Variants in LRBA observed in about 807,000 individuals in gnomAD.
LRBA encodes the protein lipopolysaccharide-responsive and beige-like anchor protein.
Under a neutral mutation model 330.0 loss-of-function variants are expected in LRBA, and 176 were observed. The observed-to-expected ratio is 0.53, with a 90% confidence interval of 0.47 to 0.60. The LOEUF (loss-of-function observed/expected upper bound fraction) is 0.60. LRBA is among the 20% of genes least tolerant of loss of function. The probability of loss-of-function intolerance (pLI) is 0.00; values close to 1 mark genes in which losing one functional copy is unlikely to be tolerated. For missense variants in LRBA, 3,259 were observed against 3,444.8 expected (o/e 0.95, Z 1.35); for synonymous variants, 1,230 against 1,193.0 (o/e 1.03, Z -0.64).
intron 48 of LRBA, among the ~76,000 whole-genome samples, chr4:150,347,645 CAA>C (rs57952007): frequency 0.4 from 54,046 of 133,526 alleles, 9,325 homozygotes; most frequent in African/African-American, 0.42. Context: ...GACTCTGTCT[CAA>C]AAAAAAAAAA....
At chr4:150,745,937 T>C (rs901883863) in intron 35 of LRBA, among the ~76,000 whole-genome samples, 3 of 152,168 alleles carry the variant, frequency 2.0e-5, no homozygotes, top group Non-Finnish European at 4.4e-5. Flanking sequence ...TGTCTTGATG[T>C]TTCACTCATT....
intron 2 of LRBA, among the ~76,000 whole-genome samples, chr4:151,011,161 T>C (rs1744797005): frequency 1.3e-5 from 2 of 150,360 alleles, no homozygotes; most frequent in South Asian, 4.2e-4. Context: ...CACTCCAGCC[T>C]AGGCAACAGA....
intron 36 of LRBA, among the ~76,000 whole-genome samples, chr4:150,734,732 T>C (rs1320984018): frequency 6.6e-6 from 1 of 152,136 alleles, no homozygotes; most frequent in East Asian, 1.9e-4. Flanking sequence ...CAGGATGAGT[T>C]TATCACTTAG....
chr4:150,866,436 T>C (rs572595250), intron 22 of LRBA, among the ~76,000 whole-genome samples: 1 of 152,320 alleles, frequency 6.6e-6, no homozygotes, highest in African/African-American at 2.4e-5. Flanking sequence ...ATTATGGTGA[T>C]GTAGCATTTT....
chr4:150,553,130 T>C (rs1766838551), intron 40 of LRBA, among the ~76,000 whole-genome samples: 1 of 151,768 alleles, frequency 6.6e-6, no homozygotes, highest in Non-Finnish European at 1.5e-5. Context: ...TGGAATATTA[T>C]GCAGTCATAA....
chr4:150,599,165 A>G, intron 37 of LRBA, 34 bp from the exon 38 acceptor site: 1 of 1,611,584 alleles, frequency 6.2e-7, no homozygotes, highest in Non-Finnish European at 8.5e-7. Context: ...ATATGTTAGC[A>G]ATTATCAAAC....
rs569244581 is a variant in LRBA, at chr4:150,688,678, C to T, written c.5755-4961G>A. Among the ~76,000 whole-genome samples the T allele has an allele frequency of 3.3e-5, 5 of 152,182 alleles. No individual in the cohort carries two copies. The East Asian group carries it at 5.8e-4, about 18-fold the overall frequency. On this transcript the variant is annotated intron_variant, in intron 36 of 56. Coordinates refer to ENST00000651943, the MANE Select transcript of LRBA (RefSeq NM_001364905.1). ...CACTTTTCAAAAGAAGACATTTATG[C>T]GGCCAACAAACATATGAAAAAAAGC...
chr4:150,911,377 G>A (rs1175850365), intron 9 of LRBA, among the ~76,000 whole-genome samples: 1 of 151,908 alleles, frequency 6.6e-6, no homozygotes, highest in Non-Finnish European at 1.5e-5. Flanking sequence ...ATAGATTGTT[G>A]AGTGTTTTAG....
intron 34 of LRBA, among the ~76,000 whole-genome samples, chr4:150,788,933 A>G (rs1739490002): frequency 6.6e-6 from 1 of 150,938 alleles, no homozygotes; most frequent in South Asian, 2.1e-4. Context: ...AATGTGCCAG[A>G]CATGGTGGCG....
At chr4:150,858,342 A>G (rs896170094) in intron 22 of LRBA, among the ~76,000 whole-genome samples, 21 of 151,564 alleles carry the variant, frequency 1.4e-4, no homozygotes, top group African/African-American at 4.8e-4. Flanking sequence ...ACCGCACTCT[A>G]GCCTGGGAAG....
chr4:150,708,016 C>G (rs1296116418), intron 36 of LRBA, among the ~76,000 whole-genome samples: 1 of 151,750 alleles, frequency 6.6e-6, no homozygotes, highest in Admixed American at 6.6e-5. Context: ...ATCAAAACTA[C>G]TCTTAACAAT....
intron 44 of LRBA, 40 bp downstream of exon 44, chr4:150,467,633 T>A (rs763484380): frequency 1.6e-6 from 2 of 1,237,612 alleles, no homozygotes; most frequent in East Asian, 4.8e-5. Flanking sequence ...TATTTTTATA[T>A]GCAAGACAAT....
At chr4:151,013,601 C>G (rs1236698011) in intron 2 of LRBA, 1 of 152,152 alleles carries the variant, frequency 6.6e-6, no homozygotes, top group Non-Finnish European at 1.5e-5. Context: ...TGATGCATGC[C>G]TATAGCCACA....
intron 37 of LRBA, among the ~76,000 whole-genome samples, chr4:150,656,963 C>T (rs534481684): frequency 1.3e-5 from 2 of 152,130 alleles, no homozygotes; most frequent in African/African-American, 4.8e-5. Context: ...AAATATGTAA[C>T]ATATATAAGC....
intron 37 of LRBA, among the ~76,000 whole-genome samples, chr4:150,636,607 C>G (rs1304113304): frequency 6.6e-6 from 1 of 152,122 alleles, no homozygotes; most frequent in East Asian, 1.9e-4. Flanking sequence ...GTCACTATTC[C>G]CAGGCCCCCT....
rs908867843 is a variant in LRBA at position 150,882,598 on chromosome 4, T to C, written c.2166-9843A>G. On this transcript the variant is annotated intron_variant, in intron 17 of 56. Transcript: ENST00000651943. ...GCTTACATGTTTAAAGAAATAGATA[T>C]GGATATTTTTGAATTGAAATATACT... is the stretch of plus-strand genomic sequence containing the variant. Among the ~76,000 whole-genome samples the C allele has an allele frequency of 1.5e-4, 23 of 152,330 alleles. No homozygotes were observed. In the East Asian group the frequency reaches 2.5e-3, roughly 17 times the overall value.
chr4:150,928,414 G>A, intron 4 of LRBA, 102 bp downstream of exon 4: 1 of 697,538 alleles, frequency 1.4e-6, no homozygotes, highest in Non-Finnish European at 2.4e-6. Context: ...TATTCAATTT[G>A]ACAATTATCC....
chr4:150,509,264 C>T (rs945707546), intron 40 of LRBA, among the ~76,000 whole-genome samples: 3 of 151,382 alleles, frequency 2.0e-5, no homozygotes, highest in Non-Finnish European at 1.5e-5. Context: ...CTGGAAAAGG[C>T]CCCAAATTTG....
intron 34 of LRBA, among the ~76,000 whole-genome samples, chr4:150,768,520 A>G (rs1295717513): frequency 6.6e-6 from 1 of 152,238 alleles, no homozygotes; most frequent in Non-Finnish European, 1.5e-5. Flanking sequence ...GAAAAAGGCA[A>G]GATAAATTGA....
Sources: gnomAD v4.1 joint callset for allele counts (sites outside exome capture counted in the v4.1 genomes callset) on GRCh38, gnomAD v4.1.1 for gene constraint, MANE v1.5 for transcripts, NCBI Gene and HGNC (gene_info 2026-07-23, HGNC 2026-07-21) for gene names.